Variants in TOMM70 observed in about 807,000 individuals in gnomAD.
TOMM70 encodes mitochondrial import receptor subunit TOM70.
A neutral mutation model predicts 73.6 loss-of-function variants in TOMM70; 13 were observed. The observed-to-expected ratio is 0.18, with a 90% CI of 0.11 to 0.28. The LOEUF is 0.28. Ranked by LOEUF, TOMM70 falls within the 10% of genes least tolerant of loss-of-function variation. TOMM70 has a pLI of 1.00. For synonymous variants in TOMM70, 257 were observed against 271.2 expected, an observed-to-expected ratio of 0.95 and a Z score of 0.51; for missense variants, 609 against 747.5, an observed-to-expected ratio of 0.81 and a Z score of 2.16.
chr3:100,387,410 G>A (rs560380562), intron 1 of TOMM70, among the ~76,000 whole-genome samples: 1 of 152,138 alleles, frequency 6.6e-6, no homozygotes, highest in Admixed American at 6.6e-5. Context: ...TCATAGCACT[G>A]TACTCCAGCC....
intron 8 of TOMM70, 150 bp from the exon 9 acceptor site, chr3:100,372,872 T>G (rs1186135590): frequency 4.5e-6 from 3 of 668,034 alleles, no homozygotes; most frequent in Non-Finnish European, 7.6e-6. Flanking sequence ...CAAGTAGGTA[T>G]CTCAGCAGCA....
intron 5 of TOMM70, among the ~76,000 whole-genome samples, chr3:100,379,804 A>G (rs1043303025): frequency 1.3e-5 from 2 of 152,066 alleles, no homozygotes; most frequent in African/African-American, 4.8e-5. Flanking sequence ...TCTTCTGTAG[A>G]GACAGGGTTT....
intron 2 of TOMM70, among the ~76,000 whole-genome samples, chr3:100,386,547 T>C (rs1219615822): frequency 6.6e-6 from 1 of 152,176 alleles, no homozygotes; most frequent in Non-Finnish European, 1.5e-5. Context: ...TTGAGGAGAA[T>C]AGGGTCACCA....
intron 6 of TOMM70, 174 bp downstream of exon 6, chr3:100,377,531 T>G (rs1426593895): frequency 4.8e-6 from 3 of 627,550 alleles, no homozygotes; most frequent in Admixed American, 6.0e-5. Flanking sequence ...ATCATTGATA[T>G]TTATGTTTTC....
At chr3:100,378,104 C>T (rs1277906555) in intron 5 of TOMM70, among the ~76,000 whole-genome samples, 192 bp from the exon 6 acceptor site, 1 of 151,796 alleles carries the variant, frequency 6.6e-6, no homozygotes, top group Admixed American at 6.6e-5. Flanking sequence ...ATTAGCCGGG[C>T]GTGGAGGCGC....
chr3:100,387,817 G>A (rs1273533101), intron 1 of TOMM70, among the ~76,000 whole-genome samples: 1 of 151,864 alleles, frequency 6.6e-6, no homozygotes, highest in East Asian at 1.9e-4. Context: ...TTAATTTTTA[G>A]TAGAGATGGG....
chr3:100,363,431 T>TATC lies in TOMM70; in HGVS notation c.*2130_*2132dup, dbSNP rs1706415864. ...GCCACCATGCCCAGCCTAAACTACCTATCTTTCTATTTAAAGAATAGATAG... is the reference window on the plus strand; with the variant it reads ...GCCACCATGCCCAGCCTAAACTACCTATCATCTTTCTATTTAAAGAATAGATAG... On this transcript the variant is annotated 3_prime_UTR_variant, in exon 12 of 12. Transcript: ENST00000284320. The TATC allele has an allele frequency of 1.3e-5, 2 of 152,664 alleles. No individual in the cohort carries two copies. The highest frequency in any genetic ancestry group is 4.8e-5 in the African/African-American group (2 of 41,466). 9.5% of individuals were successfully genotyped at this position (152,664 alleles called of 1,614,324 possible).
intron 4 of TOMM70, 98 bp from the exon 5 acceptor site, chr3:100,381,861 G>A: frequency 7.9e-7 from 1 of 1,267,432 alleles, no homozygotes; most frequent in East Asian, 2.6e-5. Context: ...ATAAAAATTG[G>A]ATTCTCATTT....
At chr3:100,392,950 G>C (rs563188507) in intron 1 of TOMM70, among the ~76,000 whole-genome samples, 134 of 152,112 alleles carry the variant, frequency 8.8e-4, no homozygotes, top group African/African-American at 2.9e-3. Context: ...GCAGAGGTGG[G>C]TGGGTCACCT....
chr3:100,387,185 G>A (rs1450712078), intron 1 of TOMM70, among the ~76,000 whole-genome samples: 1 of 152,208 alleles, frequency 6.6e-6, no homozygotes, highest in Non-Finnish European at 1.5e-5. Context: ...GGCAGCTCAT[G>A]CCTATAATCT....
At chr3:100,388,767 A>G (rs1475893653) in intron 1 of TOMM70, among the ~76,000 whole-genome samples, 1 of 152,216 alleles carries the variant, frequency 6.6e-6, no homozygotes, top group Non-Finnish European at 1.5e-5. Flanking sequence ...TCTTCCCATC[A>G]TTAAAAGAGG....
At chr3:100,380,411 G>A (rs1706620356) in intron 5 of TOMM70, among the ~76,000 whole-genome samples, 1 of 152,022 alleles carries the variant, frequency 6.6e-6, no homozygotes, top group Admixed American at 6.6e-5. Flanking sequence ...CCCACTTACT[G>A]AAGAACATAA....
chr3:100,397,835 G>A (rs1057253072), intron 1 of TOMM70, among the ~76,000 whole-genome samples: 1 of 152,044 alleles, frequency 6.6e-6, no homozygotes, highest in African/African-American at 2.4e-5. Flanking sequence ...GTTGCAGTGA[G>A]CCGAGACCTC....
chr3:100,375,041 C>A lies in TOMM70; in HGVS notation c.1204G>T (p.Asp402Tyr). 1.9e-6 allele frequency: 3 copies of A among 1,608,160 alleles called. No homozygotes were observed. Among genetic ancestry groups the A allele is most frequent in the Non-Finnish European group, 1.7e-6 (2 of 1,177,670 alleles). The change falls in exon 7 of 12, where the codon GAT becomes TAT. Residue 402 changes from aspartate (D) to tyrosine (Y), a missense_variant. Asp to Tyr is a radical substitution (Grantham distance 160). Coordinates refer to ENST00000284320, the MANE Select transcript of TOMM70 (RefSeq NM_014820.5). ...MAADIDPQNA[D>Y]VYHHRGQLKI... ...ACCTGTCCTCGGTGGTGATAAACAT[C>A]TGCATTCTGAGGATCGATGTCAGCA...
rs748687788 is a variant in TOMM70 at position 100,377,766 on chromosome 3, T to C, written c.1031A>G (p.Asn344Ser). 5 of 1,614,112 alleles carry C rather than the reference T, an allele frequency of 3.1e-6. No individual in the cohort carries two copies. The South Asian group carries it at 4.4e-5, about 14-fold the overall frequency. Reference sequence around the variant, plus strand: ...TAAATCTGGTTTGGCTGCATTGGCATTGCCAATAAGCAGGTAGAAGGTAGC... The same window carrying C: ...TAAATCTGGTTTGGCTGCATTGGCACTGCCAATAAGCAGGTAGAAGGTAGC... ...LRATFYLLIG[N>S]ANAAKPDLDK... Residue 344 changes from asparagine (N) to serine (S), a missense_variant, in exon 6 of 12, where the codon AAT (asparagine) becomes AGT (serine). Physicochemically the swap from Asn to Ser is conservative, Grantham distance 46. Transcript: ENST00000284320.
At position 100,365,592 on chromosome 3, in the gene TOMM70, T is replaced by A; in HGVS notation, c.1799A>T (p.Lys600Ile). 3.7e-6 allele frequency: 6 copies of A among 1,614,228 alleles called. No homozygotes were observed. The highest frequency in any genetic ancestry group is 5.1e-6 in the Non-Finnish European group (6 of 1,180,028). The change falls in exon 12 of 12, where the codon AAA (lysine) becomes ATA (isoleucine). Residue 600 changes from lysine (K) to isoleucine (I), a missense_variant. Physicochemically the swap from Lys to Ile is moderately radical, Grantham distance 102 (BLOSUM62 -3). Around this residue, in one of 2 missense-constraint regions of TOMM70, gnomAD observed 432 missense variants for 584.1 expected, o/e 0.74. Transcript: ENST00000284320. ...AAHAQTEVAK[K>I]YGLKPPTL ...TAATGTTGGTGGTTTTAATCCGTAT[T>A]TCTTTGCAACTTCTGTCTGGGCATG...
chr3:100,398,811 C>G (rs1418555903), intron 1 of TOMM70, among the ~76,000 whole-genome samples: 1 of 152,160 alleles, frequency 6.6e-6, no homozygotes. Flanking sequence ...TAACACAGTC[C>G]ATAAGTTCTT....
chr3:100,398,277 A>G (rs1454509538), intron 1 of TOMM70, among the ~76,000 whole-genome samples: 3 of 150,322 alleles, frequency 2.0e-5, no homozygotes, highest in African/African-American at 7.3e-5. Flanking sequence ...CCAGCTACTC[A>G]GGAGGCTGAG....
chr3:100,376,369 GTT>G (rs141227349), intron 6 of TOMM70, among the ~76,000 whole-genome samples: 27 of 121,724 alleles, frequency 2.2e-4, no homozygotes, highest in South Asian at 5.2e-4. Flanking sequence ...TCACACAGAA[GTT>G]TTTTTTTTTT....
Sources: allele counts gnomAD v4.1 joint callset (sites outside exome capture counted in the v4.1 genomes callset), GRCh38; gene constraint gnomAD v4.1.1; regional missense constraint gnomAD v4.1.1; transcripts MANE v1.5; gene names NCBI Gene and HGNC (gene_info 2026-07-23, HGNC 2026-07-21).